UBE2V2: variants seen among roughly 807,000 people sequenced by gnomAD.
UBE2V2 encodes the protein ubiquitin conjugating enzyme E2 V2.
UBE2V2 carries 9 observed loss-of-function variants against 17.2 expected under a neutral mutation model. The ratio of observed to expected loss-of-function variants is 0.52; its 90% CI spans 0.32 to 0.91. The LOEUF (loss-of-function observed/expected upper bound fraction) is 0.91. UBE2V2 is among the 40% of genes least tolerant of loss of function. The pLI is 0.04. For synonymous variants in UBE2V2, 61 were observed against 57.5 expected (o/e 1.06, Z -0.28); for missense variants, 133 against 182.6 (o/e 0.73, Z 1.56).
Position 48,064,113 on chromosome 8 carries a change from A to G in UBE2V2, c.*3285A>G, listed in dbSNP as rs998100955. On this transcript the variant is annotated 3_prime_UTR_variant, in exon 4 of 4. Coordinates refer to ENST00000523111, the MANE Select transcript of UBE2V2 (RefSeq NM_003350.3). ...GACTGTATTAGGTACATTTTGAAGA[A>G]TATAAGTACTGATGATAAAGTCTAG... is the stretch of plus-strand genomic sequence containing the variant. 68 of 152,202 alleles carry G rather than the reference A, an allele frequency of 4.5e-4. No individual in the cohort carries two copies. The highest frequency in any genetic ancestry group is 1.6e-3 in the African/African-American group (65 of 41,462). The allele number at this position is 152,202 out of a possible 1,614,324, so 9.4% of individuals were successfully genotyped here.
At chr8:48,024,355 G>A (rs975327037) in intron 1 of UBE2V2, among the ~76,000 whole-genome samples, 1 of 152,052 alleles carries the variant, frequency 6.6e-6, no homozygotes, top group Non-Finnish European at 1.5e-5. Context: ...CAGCACTTTG[G>A]GAGGCCAGGG....
intron 1 of UBE2V2, among the ~76,000 whole-genome samples, chr8:48,009,479 T>A (rs1415840206): frequency 6.6e-6 from 1 of 152,156 alleles, no homozygotes; most frequent in African/African-American, 2.4e-5. Flanking sequence ...TTGGCCAGAC[T>A]GGTCTCGAAC....
At chr8:48,017,917 G>A (rs561459911) in intron 1 of UBE2V2, among the ~76,000 whole-genome samples, 1 of 151,242 alleles carries the variant, frequency 6.6e-6, no homozygotes, top group South Asian at 2.1e-4. Context: ...CATAGTCACG[G>A]CTCGCTGCAG....
intron 1 of UBE2V2, among the ~76,000 whole-genome samples, chr8:48,030,315 C>T (rs2091374224): frequency 6.6e-6 from 1 of 152,204 alleles, no homozygotes; most frequent in African/African-American, 2.4e-5. Flanking sequence ...CAAACATTTG[C>T]CATAAATTCA....
chr8:48,022,230 C>T (rs974880377), intron 1 of UBE2V2, among the ~76,000 whole-genome samples: 10 of 149,746 alleles, frequency 6.7e-5, no homozygotes, highest in East Asian at 4.0e-4. Flanking sequence ...CTTCGCCTCC[C>T]GGGTTCATGT....
chr8:48,060,696 C>T lies in UBE2V2; in HGVS notation c.306C>T (p.Ser102=), dbSNP rs750976464. 1 of 1,507,914 alleles carries T rather than the reference C, an allele frequency of 6.6e-7. No homozygotes were observed. The highest frequency in any genetic ancestry group is 1.4e-5 in the South Asian group (1 of 71,684). The allele number at this position is 1,507,914 out of a possible 1,614,324, so 93.4% of individuals were successfully genotyped here. A position where few individuals can be genotyped will look rare whatever the true frequency, so the allele number is the denominator to read the frequency against. The change falls in exon 4 of 4, where the codon AGC becomes AGT. Residue 102 remains serine, a synonymous_variant. Coordinates refer to ENST00000523111, the MANE Select transcript of UBE2V2 (RefSeq NM_003350.3). ...NNSSGMVDAR[S]IPVLAKWQNS... is the part of the protein sequence containing the mutation. ...TCCCCTTTCAGGTGGATGCCCGGAG[C>T]ATACCAGTGTTAGCAAAATGGCAAA...
chr8:48,044,574 C>T (rs2091485867), intron 2 of UBE2V2, among the ~76,000 whole-genome samples: 1 of 152,180 alleles, frequency 6.6e-6, no homozygotes, highest in African/African-American at 2.4e-5. Context: ...CACTCCTACA[C>T]TGATAGGCTC....
chr8:48,016,421 T>A (rs2091269530), intron 1 of UBE2V2, among the ~76,000 whole-genome samples: 1 of 152,130 alleles, frequency 6.6e-6, no homozygotes, highest in Admixed American at 6.5e-5. Flanking sequence ...TAATTCACAT[T>A]CCCACCAACA....
upstream of UBE2V2, among the ~76,000 whole-genome samples, chr8:48,007,574 T>C (rs980597813): frequency 3.3e-5 from 5 of 151,396 alleles, no homozygotes; most frequent in African/African-American, 4.9e-5. Context: ...AAATCTTTTT[T>C]TTTTTTTTTT....
At chr8:48,018,217 A>G (rs1471404661) in intron 1 of UBE2V2, among the ~76,000 whole-genome samples, 1 of 152,210 alleles carries the variant, frequency 6.6e-6, no homozygotes, top group African/African-American at 2.4e-5. Context: ...AGAAAGAAAT[A>G]CAAGGCATCT....
intron 1 of UBE2V2, among the ~76,000 whole-genome samples, chr8:48,029,671 T>C (rs2154507281): frequency 6.6e-6 from 1 of 152,360 alleles, no homozygotes; most frequent in East Asian, 1.9e-4. Context: ...CATGCCATTG[T>C]CATCTGCTAC....
intron 3 of UBE2V2, among the ~76,000 whole-genome samples, chr8:48,050,705 A>AG (rs2091531307): frequency 6.6e-6 from 1 of 151,746 alleles, no homozygotes; most frequent in Non-Finnish European, 1.5e-5. Flanking sequence ...AAAAAAAAAA[A>AG]GAGATGATCA....
upstream of UBE2V2, among the ~76,000 whole-genome samples, chr8:48,007,092 G>C (rs1563845634): frequency 6.6e-6 from 1 of 151,130 alleles, no homozygotes; most frequent in Non-Finnish European, 1.5e-5. Context: ...GTTTCACTGT[G>C]TTAGCCAAGA....
intron 1 of UBE2V2, among the ~76,000 whole-genome samples, chr8:48,019,394 G>C (rs1041804248): frequency 4.6e-5 from 7 of 151,994 alleles, no homozygotes; most frequent in Non-Finnish European, 1.0e-4. Flanking sequence ...TGGGCGTGGT[G>C]GTGGGCTCCT....
the UBE2V2 span, among the ~76,000 whole-genome samples, chr8:47,998,580 C>T: frequency 8.6e-5 from 13 of 151,552 alleles, no homozygotes; most frequent in Non-Finnish European, 1.6e-4. Context: ...TGGATGAAGT[C>T]GTCAGCAGTG....
intron 2 of UBE2V2, chr8:48,043,492 C>T (rs2091478195): frequency 5.7e-6 from 1 of 175,430 alleles, no homozygotes. Context: ...GAATATGTTT[C>T]TTCTAGCTGG....
Position 48,040,309 on chromosome 8 carries a change from A to T in UBE2V2, c.17-2724A>T, listed in dbSNP as rs541548062. The stretch of plus-strand genomic sequence containing the variant: ...CATTTTCTTACAATAGAATTATCAA[A>T]ATCAGGAAATTAATGTTGATAGAGG... On this transcript the variant is annotated intron_variant, in intron 1 of 3. Transcript: ENST00000523111. Among the ~76,000 whole-genome samples the T allele has an allele frequency of 5.9e-5, 9 of 152,250 alleles. No homozygotes were observed. In the East Asian group the frequency reaches 1.7e-3, roughly 29 times the overall value.
chr8:48,042,827 A>T, intron 1 of UBE2V2: 1 of 405,256 alleles, frequency 2.5e-6, no homozygotes, highest in Non-Finnish European at 4.3e-6. Flanking sequence ...TACTGCTGTT[A>T]ATGTTTGGTA....
At chr8:48,035,975 G>A (rs1209983135) in intron 1 of UBE2V2, among the ~76,000 whole-genome samples, 3 of 125,856 alleles carry the variant, frequency 2.4e-5, no homozygotes, top group Non-Finnish European at 3.2e-5. Flanking sequence ...TTTTGAGACC[G>A]AATCTCACTC....
Sources: gnomAD v4.1 joint callset for allele counts (sites outside exome capture counted in the v4.1 genomes callset) on GRCh38, gnomAD v4.1.1 for gene constraint, MANE v1.5 for transcripts, NCBI Gene and HGNC (gene_info 2026-07-23, HGNC 2026-07-21) for gene names.